PDE4D: variants seen among roughly 807,000 people sequenced by gnomAD.
PDE4D encodes phosphodiesterase 4D, also known as 3',5'-cyclic-AMP phosphodiesterase 4D.
In PDE4D, 24 loss-of-function variants were observed where a neutral mutation model predicts 87.4. The ratio of observed to expected loss-of-function variants is 0.27; its 90% CI spans 0.20 to 0.39. The LOEUF (loss-of-function observed/expected upper bound fraction) is 0.39. Ranked by LOEUF, PDE4D falls within the 10% of genes least tolerant of loss-of-function variation. PDE4D has a pLI of 1.00. For synonymous variants in PDE4D, 384 were observed against 383.2 expected, an observed-to-expected ratio of 1.00 and a Z score of -0.02; for missense variants, 714 against 1,041.0, an observed-to-expected ratio of 0.69 and a Z score of 4.32.
At chr5:60,440,570 C>T (rs1259041293) in intron 1 of PDE4D, among the ~76,000 whole-genome samples, 2 of 151,908 alleles carry the variant, frequency 1.3e-5, no homozygotes, top group Non-Finnish European at 2.9e-5. Flanking sequence ...TCTAAAGACA[C>T]AGGAGAGATA....
At chr5:60,067,801 A>G (rs925759080) in intron 2 of PDE4D, among the ~76,000 whole-genome samples, 2 of 152,184 alleles carry the variant, frequency 1.3e-5, no homozygotes, top group African/African-American at 4.8e-5. Flanking sequence ...GATAACTCAT[A>G]TAAGTGGAAT....
At chr5:60,493,848 C>T (rs187436011) in intron 1 of PDE4D, among the ~76,000 whole-genome samples, 1 of 152,204 alleles carries the variant, frequency 6.6e-6, no homozygotes, top group Admixed American at 6.5e-5. Context: ...ACCCCTTCTC[C>T]ATGAAAGGTG....
intron 1 of PDE4D, among the ~76,000 whole-genome samples, chr5:59,355,774 G>A (rs1398828370): frequency 6.6e-6 from 1 of 151,880 alleles, no homozygotes; most frequent in East Asian, 1.9e-4. Flanking sequence ...AAAATTCCAA[G>A]GACATTATCT....
chr5:60,488,254 G>A (rs1042222404), upstream of PDE4D: 7 of 152,138 alleles, frequency 4.6e-5, no homozygotes, highest in African/African-American at 1.4e-4. Context: ...AAAGGCCAGA[G>A]AAAAATCACA....
intron 1 of PDE4D, among the ~76,000 whole-genome samples, chr5:60,294,222 A>G (rs1396600920): frequency 2.0e-5 from 3 of 152,088 alleles, no homozygotes; most frequent in Non-Finnish European, 4.4e-5. Flanking sequence ...GGCCATTTGT[A>G]TATTTACTTT....
intron 1 of PDE4D, among the ~76,000 whole-genome samples, chr5:59,627,060 T>G (rs1323148491): frequency 6.6e-6 from 1 of 152,184 alleles, no homozygotes; most frequent in Non-Finnish European, 1.5e-5. Context: ...ACTTCCCCTA[T>G]TCACTTCCTA....
chr5:60,481,417 A>T (rs1476797675), intron 1 of PDE4D, among the ~76,000 whole-genome samples: 1 of 152,108 alleles, frequency 6.6e-6, no homozygotes, highest in Non-Finnish European at 1.5e-5. Context: ...TTCAGAGTGG[A>T]GAAAAATCTT....
Position 59,574,754 on chromosome 5 carries a change from A to T in PDE4D, c.455+318414T>A, listed in dbSNP as rs569295294. The stretch of plus-strand genomic sequence containing the variant: ...CTTGCAGTTATTTCTGATAAATGAT[A>T]CAACTGCCTTCCCTAATGACATTCT... On this transcript the variant is annotated intron_variant, in intron 1 of 14. Transcript: ENST00000340635. Among the ~76,000 whole-genome samples, 5 of 152,332 alleles carry T rather than the reference A, an allele frequency of 3.3e-5. No individual in the cohort carries two copies. In the East Asian group the frequency reaches 5.8e-4, roughly 18 times the overall value.
chr5:59,558,946 G>C (rs1440035548), intron 1 of PDE4D, among the ~76,000 whole-genome samples: 1 of 152,082 alleles, frequency 6.6e-6, no homozygotes, highest in Non-Finnish European at 1.5e-5. Context: ...TATGAGGTTG[G>C]GGGTAGTGAA....
intron 6 of PDE4D, among the ~76,000 whole-genome samples, chr5:59,021,298 T>C (rs1244886222): frequency 2.0e-5 from 3 of 152,192 alleles, no homozygotes; most frequent in Non-Finnish European, 4.4e-5. Context: ...CATAGAGTGC[T>C]GGGTAACTGA....
intron 4 of PDE4D, among the ~76,000 whole-genome samples, chr5:59,180,985 C>A (rs917923975): frequency 3.9e-5 from 6 of 152,142 alleles, no homozygotes; most frequent in African/African-American, 1.4e-4. Flanking sequence ...AAAAAGCAGT[C>A]AATTTATAAT....
chr5:59,026,054 A>G (rs1042783278), intron 6 of PDE4D, among the ~76,000 whole-genome samples: 3 of 152,268 alleles, frequency 2.0e-5, no homozygotes, highest in Admixed American at 2.0e-4. Context: ...CAACAAACAC[A>G]TCCTTTCTTC....
intron 1 of PDE4D, among the ~76,000 whole-genome samples, chr5:59,633,477 G>T (rs1831835424): frequency 6.6e-6 from 1 of 152,146 alleles, no homozygotes; most frequent in Non-Finnish European, 1.5e-5. Flanking sequence ...CATGTGAAGG[G>T]CAGCCAGAGA....
intron 1 of PDE4D, among the ~76,000 whole-genome samples, chr5:60,310,500 C>G (rs1407371870): frequency 6.6e-6 from 1 of 152,178 alleles, no homozygotes; most frequent in East Asian, 1.9e-4. Context: ...GGGTGTGTAG[C>G]AGAGACTGGT....
intron 3 of PDE4D, among the ~76,000 whole-genome samples, chr5:59,954,113 C>CT (rs1758582175): frequency 6.6e-6 from 1 of 151,968 alleles, no homozygotes; most frequent in Non-Finnish European, 1.5e-5. Context: ...TTAGGAGAGA[C>CT]GGGTTTCACC....
chr5:59,309,860 G>A (rs1270104050), intron 1 of PDE4D, among the ~76,000 whole-genome samples: 5 of 151,976 alleles, frequency 3.3e-5, no homozygotes, highest in Admixed American at 2.0e-4. Flanking sequence ...GCCCAAACCC[G>A]CTGCCAGTAA....
chr5:59,547,553 C>T lies in PDE4D; in HGVS notation c.456-331585G>A, dbSNP rs867355271. On this transcript the variant is annotated intron_variant, in intron 1 of 14. Transcript: ENST00000340635. Reference sequence around the variant, plus strand: ...ATTTTGACTTTTTTGACAGTTTTATCTCAGATAAGAATTCCTTTTTCCTTT... The same window carrying T: ...ATTTTGACTTTTTTGACAGTTTTATTTCAGATAAGAATTCCTTTTTCCTTT... Among the ~76,000 whole-genome samples, 4 of 152,216 alleles carry T rather than the reference C, an allele frequency of 2.6e-5. 1 individual carries two copies. The Middle Eastern group carries it at 0.014, about 518-fold the overall frequency.
At chr5:59,385,315 T>C (rs976787546) in intron 1 of PDE4D, among the ~76,000 whole-genome samples, 19 of 152,316 alleles carry the variant, frequency 1.2e-4, no homozygotes, top group African/African-American at 4.6e-4. Context: ...TGAATAGTAT[T>C]AATATTTTAC....
intron 1 of PDE4D, among the ~76,000 whole-genome samples, chr5:59,485,239 G>T (rs967523876): frequency 1.3e-5 from 2 of 152,134 alleles, no homozygotes; most frequent in African/African-American, 4.8e-5. Context: ...TCATCTATTA[G>T]TATTCAGGAA....
Sources: allele counts gnomAD v4.1 joint callset (sites outside exome capture counted in the v4.1 genomes callset), GRCh38; gene constraint gnomAD v4.1.1; transcripts MANE v1.5; gene names NCBI Gene and HGNC (gene_info 2026-07-23, HGNC 2026-07-21).